The following PPM1L variants were observed in gnomAD, a reference collection of about 807,000 sequenced individuals.
The protein encoded by PPM1L is protein phosphatase, Mg2+/Mn2+ dependent 1L.
Under a neutral mutation model 31.4 loss-of-function variants are expected in PPM1L, and 13 were observed. The ratio of observed to expected loss-of-function variants is 0.41; its 90% CI spans 0.27 to 0.66. The LOEUF (loss-of-function observed/expected upper bound fraction) is 0.66. Among genes scored for constraint, PPM1L ranks in the 30% least tolerant of loss-of-function variants. The pLI is 0.29. For synonymous variants in PPM1L, 184 were observed against 175.4 expected, an observed-to-expected ratio of 1.05 and a Z score of -0.39; for missense variants, 326 against 453.7, an observed-to-expected ratio of 0.72 and a Z score of 2.56.
intron 1 of PPM1L, among the ~76,000 whole-genome samples, chr3:160,924,157 G>A (rs1309072588): frequency 6.6e-6 from 1 of 152,118 alleles, no homozygotes; most frequent in East Asian, 1.9e-4. Context: ...TTGCCATTGA[G>A]CCACAATTTC....
rs199888640 is a variant in PPM1L at position 161,034,963 on chromosome 3, TC to T, written c.575-30439del. On this transcript the variant is annotated intron_variant, in intron 2 of 3. Transcript: ENST00000498165. ...CATGGATGAAGCTGGAAGCCATCATTCTCAGCAAACTAACACAGGAACAGAA... is the reference window on the plus strand; with the variant it reads ...CATGGATGAAGCTGGAAGCCATCATTTCAGCAAACTAACACAGGAACAGAA... Among the ~76,000 whole-genome samples the T allele has an allele frequency of 9.2e-3, 1,405 of 152,066 alleles. 21 individuals are homozygous for T. Among genetic ancestry groups the T allele is most frequent in the African/African-American group, 0.032 (1,340 of 41,442 alleles).
intron 1 of PPM1L, among the ~76,000 whole-genome samples, chr3:160,816,504 G>A (rs528619501): frequency 1.3e-5 from 2 of 149,910 alleles, no homozygotes; most frequent in South Asian, 4.2e-4. Context: ...ACCCAGCTAA[G>A]CACAGCCTGT....
chr3:161,048,924 C>T (rs1278654980), intron 2 of PPM1L, among the ~76,000 whole-genome samples: 2 of 106,342 alleles, frequency 1.9e-5, no homozygotes, highest in Admixed American at 2.9e-4. Flanking sequence ...ACACTGGGGC[C>T]TGTCGTGGGG....
intron 1 of PPM1L, among the ~76,000 whole-genome samples, chr3:160,900,845 G>A (rs557721304): frequency 6.6e-6 from 1 of 152,260 alleles, no homozygotes; most frequent in African/African-American, 2.4e-5. Context: ...TGAACAGTAT[G>A]ATGATACTGT....
intron 2 of PPM1L, among the ~76,000 whole-genome samples, chr3:161,063,878 A>G (rs765428703): frequency 1.9e-4 from 29 of 152,340 alleles, no homozygotes; most frequent in Middle Eastern, 6.8e-3. Context: ...AGGGACGTGG[A>G]TGAAGCTGGA....
intron 1 of PPM1L, among the ~76,000 whole-genome samples, chr3:160,855,695 GAA>G (rs891172898): frequency 7.9e-5 from 12 of 152,026 alleles, no homozygotes; most frequent in African/African-American, 2.2e-4. Flanking sequence ...GGTGATTATT[GAA>G]AAGTCAAAAA....
chr3:160,758,683 A>G (rs752498369), intron 1 of PPM1L, among the ~76,000 whole-genome samples: 6 of 152,194 alleles, frequency 3.9e-5, no homozygotes, highest in Non-Finnish European at 7.4e-5. Flanking sequence ...AAAAATTTCT[A>G]GTAGTATCTT....
intron 1 of PPM1L, among the ~76,000 whole-genome samples, chr3:160,844,499 A>G (rs946888069): frequency 7.9e-5 from 12 of 152,302 alleles, no homozygotes; most frequent in Middle Eastern, 3.4e-3. Context: ...TGCTATATAT[A>G]TATGTTTTAA....
At chr3:160,962,131 A>T (rs916231834) in intron 2 of PPM1L, among the ~76,000 whole-genome samples, 11 of 151,940 alleles carry the variant, frequency 7.2e-5, no homozygotes, top group Non-Finnish European at 1.2e-4. Context: ...GCTGTTTTTT[A>T]TTGGGATTTT....
At chr3:160,945,710 G>A (rs115939086) in intron 1 of PPM1L, among the ~76,000 whole-genome samples, 3 of 151,986 alleles carry the variant, frequency 2.0e-5, no homozygotes, top group Non-Finnish European at 2.9e-5. Context: ...ACAGGTCCAC[G>A]TACACACAGA....
intron 1 of PPM1L, among the ~76,000 whole-genome samples, chr3:160,863,692 T>C (rs959853630): frequency 6.6e-6 from 1 of 152,180 alleles, no homozygotes; most frequent in African/African-American, 2.4e-5. Context: ...AGTTTGATCT[T>C]TAACAATTTA....
At chr3:161,021,517 C>G (rs116539414) in intron 2 of PPM1L, among the ~76,000 whole-genome samples, 2,821 of 152,006 alleles carry the variant, frequency 0.019, 79 homozygotes, top group African/African-American at 0.063. Context: ...GTGTTCTATA[C>G]ATGTCTGTTA....
chr3:160,762,396 C>T (rs997790121), intron 1 of PPM1L, among the ~76,000 whole-genome samples: 1 of 152,118 alleles, frequency 6.6e-6, no homozygotes, highest in Non-Finnish European at 1.5e-5. Context: ...GACCTTGCTG[C>T]GTCTTCTGAA....
intron 1 of PPM1L, among the ~76,000 whole-genome samples, chr3:160,827,446 T>TC (rs1373804244): frequency 7.1e-6 from 1 of 140,530 alleles, no homozygotes; most frequent in African/African-American, 2.8e-5. Context: ...TTGATATAAG[T>TC]TTGTGTGTGT....
At chr3:160,828,702 A>G (rs1713425012) in intron 1 of PPM1L, among the ~76,000 whole-genome samples, 1 of 152,020 alleles carries the variant, frequency 6.6e-6, no homozygotes, top group Non-Finnish European at 1.5e-5. Flanking sequence ...CTGCCCAGGC[A>G]CAGCTCTTGC....
intron 1 of PPM1L, among the ~76,000 whole-genome samples, chr3:160,860,823 C>G (rs1433503262): frequency 6.6e-6 from 1 of 152,130 alleles, no homozygotes; most frequent in East Asian, 1.9e-4. Context: ...CGGTATTGTA[C>G]AAGGTGGAAA....
intron 2 of PPM1L, among the ~76,000 whole-genome samples, chr3:161,040,136 C>A (rs1283283508): frequency 6.6e-6 from 1 of 152,116 alleles, no homozygotes; most frequent in African/African-American, 2.4e-5. Context: ...ATAGTTTAAA[C>A]AATATTAGCT....
intron 2 of PPM1L, among the ~76,000 whole-genome samples, chr3:160,964,270 G>A (rs556469888): frequency 2.6e-5 from 4 of 151,912 alleles, no homozygotes; most frequent in East Asian, 1.9e-4. Context: ...ATAGCCTATT[G>A]TTGACCAGAA....
chr3:160,867,676 T>G (rs188792568), intron 1 of PPM1L, among the ~76,000 whole-genome samples: 276 of 152,292 alleles, frequency 1.8e-3, no homozygotes, highest in African/African-American at 6.1e-3. Context: ...TGATTTTTTA[T>G]TTTTTTGCTA....
Sources: gnomAD v4.1 joint callset for allele counts (sites outside exome capture counted in the v4.1 genomes callset) on GRCh38, gnomAD v4.1.1 for gene constraint, MANE v1.5 for transcripts, NCBI Gene and HGNC (gene_info 2026-07-23, HGNC 2026-07-21) for gene names.